The following ZNF804A variants were observed in gnomAD, a reference collection of about 807,000 sequenced individuals.
The protein encoded by ZNF804A is zinc finger protein 804A.
A neutral mutation model predicts 16.5 loss-of-function variants in ZNF804A; 2 were observed. The ratio of observed to expected loss-of-function variants is 0.12; its 90% CI spans 0.05 to 0.38. The LOEUF is 0.38. ZNF804A is among the 10% of genes least tolerant of loss of function. ZNF804A has a pLI of 0.99. For synonymous variants in ZNF804A, 534 were observed against 489.6 expected, an observed-to-expected ratio of 1.09 and a Z score of -1.20; for missense variants, 1,473 against 1,390.7, an observed-to-expected ratio of 1.06 and a Z score of -0.94.
chr2:184,846,489 A>G (rs1035203987), intron 1 of ZNF804A, among the ~76,000 whole-genome samples: 4 of 152,118 alleles, frequency 2.6e-5, no homozygotes, highest in Non-Finnish European at 5.9e-5. Context: ...AAATTTTCAT[A>G]TTAAAAAATT....
intron 1 of ZNF804A, among the ~76,000 whole-genome samples, chr2:184,749,747 T>C (rs925066680): frequency 6.6e-6 from 1 of 151,306 alleles, no homozygotes; most frequent in Non-Finnish European, 1.5e-5. Context: ...TATTACTTTA[T>C]GGCATTTCTT....
intron 1 of ZNF804A, among the ~76,000 whole-genome samples, chr2:184,784,707 C>T (rs1209236597): frequency 6.6e-6 from 1 of 151,946 alleles, no homozygotes; most frequent in African/African-American, 2.4e-5. Context: ...AAATTTTGTT[C>T]TCCTGAGGCA....
intron 1 of ZNF804A, among the ~76,000 whole-genome samples, chr2:184,690,802 T>C (rs2105725173): frequency 6.6e-6 from 1 of 152,142 alleles, no homozygotes; most frequent in African/African-American, 2.4e-5. Context: ...CTGTGGGTGG[T>C]TTAGAAAAAT....
At chr2:184,615,100 A>C (rs1275934574) in intron 1 of ZNF804A, among the ~76,000 whole-genome samples, 1 of 152,244 alleles carries the variant, frequency 6.6e-6, no homozygotes, top group Non-Finnish European at 1.5e-5. Context: ...TGTTTATTGC[A>C]GCACTATTCA....
At chr2:184,887,007 T>C (rs1684902039) in intron 2 of ZNF804A, among the ~76,000 whole-genome samples, 1 of 152,216 alleles carries the variant, frequency 6.6e-6, no homozygotes, top group African/African-American at 2.4e-5. Context: ...AGATTTTCCT[T>C]CCTATCATAT....
At chr2:184,608,555 ATTG>A (rs1428442780) in intron 1 of ZNF804A, among the ~76,000 whole-genome samples, 3 of 152,152 alleles carry the variant, frequency 2.0e-5, no homozygotes. Flanking sequence ...TGGACTTGTT[ATTG>A]TTAAGCTCCA....
rs1259069012 is a variant in ZNF804A, at chr2:184,936,909, A to G, written c.1513A>G (p.Thr505Ala). 2 of 1,613,940 alleles carry G rather than the reference A, an allele frequency of 1.2e-6. No homozygotes were observed. Among genetic ancestry groups the G allele is most frequent in the Middle Eastern group, 1.7e-4 (1 of 6,058 alleles). Residue 505 changes from threonine to alanine, a missense_variant, in exon 4 of 4, where the codon ACA (threonine) becomes GCA (alanine). Thr to Ala is a moderately conservative substitution (Grantham distance 58, BLOSUM62 0). Transcript: ENST00000302277. ...GPLSDYKDVS[T>A]EGLTDYEIGS... ...ACTTTCAGATTACAAGGATGTATCT[A>G]CAGAAGGACTCACTGATTATGAAAT...
chr2:184,746,410 A>G (rs1693790141), intron 1 of ZNF804A, among the ~76,000 whole-genome samples: 1 of 151,232 alleles, frequency 6.6e-6, no homozygotes, highest in Admixed American at 6.6e-5. Context: ...AAACAAAACA[A>G]AAAATTGTGG....
In ZNF804A at chr2:184,661,528, A is replaced by T. The variant is rs1275864564; in HGVS notation, c.111+62458A>T. Among the ~76,000 whole-genome samples, 6 of 152,342 alleles carry T rather than the reference A, an allele frequency of 3.9e-5. No homozygotes were observed. In the East Asian group the frequency reaches 1.2e-3, roughly 29 times the overall value. On this transcript the variant is annotated intron_variant, in intron 1 of 3. Transcript: ENST00000302277. Reference sequence around the variant, plus strand: ...GACCCTAAAAGTGGGGTAGCCATCCACGAAGCTGAGTCCAGAGGTTTGTAT... The same window carrying T: ...GACCCTAAAAGTGGGGTAGCCATCCTCGAAGCTGAGTCCAGAGGTTTGTAT...
intron 2 of ZNF804A, among the ~76,000 whole-genome samples, chr2:184,886,311 G>A (rs998003286): frequency 1.3e-5 from 2 of 152,184 alleles, no homozygotes; most frequent in African/African-American, 4.8e-5. Context: ...GTCTTGCGCA[G>A]CTCGGCCCCT....
chr2:184,772,375 T>A (rs2105769281), intron 1 of ZNF804A, among the ~76,000 whole-genome samples: 1 of 152,088 alleles, frequency 6.6e-6, no homozygotes, highest in East Asian at 1.9e-4. Flanking sequence ...AATTTTCTTA[T>A]AAATAACATT....
chr2:184,811,515 T>C (rs1558968697), intron 1 of ZNF804A, among the ~76,000 whole-genome samples: 2 of 152,128 alleles, frequency 1.3e-5, no homozygotes, highest in Admixed American at 6.6e-5. Context: ...ATATAGAGCA[T>C]AAAAATACAC....
At chr2:184,688,715 A>G (rs966888805) in intron 1 of ZNF804A, among the ~76,000 whole-genome samples, 3 of 148,444 alleles carry the variant, frequency 2.0e-5, no homozygotes, top group Non-Finnish European at 2.9e-5. Context: ...ATTATGAACA[A>G]TTAAAGGAAA....
Position 184,937,351 on chromosome 2 carries a change from C to T in ZNF804A, c.1955C>T (p.Ser652Leu). ...TTAGCTGCAGAGCAATTATTAGACTCACATCAGTTACTTGATAAAAGGCCC... is the reference window on the plus strand; with the variant it reads ...TTAGCTGCAGAGCAATTATTAGACTTACATCAGTTACTTGATAAAAGGCCC... ...QYLAAEQLLD[S>L]HQLLDKRPKS... Residue 652 changes from serine (S) to leucine (L), a missense_variant, in exon 4 of 4, where the codon TCA becomes TTA. Coordinates refer to ENST00000302277, the MANE Select transcript of ZNF804A (RefSeq NM_194250.2). 1.2e-6 allele frequency: 2 copies of T among 1,613,738 alleles called. No individual in the cohort carries two copies. Among genetic ancestry groups the T allele is most frequent in the Non-Finnish European group, 8.5e-7 (1 of 1,179,856 alleles).
intron 1 of ZNF804A, among the ~76,000 whole-genome samples, chr2:184,697,033 A>G (rs1692843575): frequency 6.6e-6 from 1 of 152,046 alleles, no homozygotes; most frequent in Non-Finnish European, 1.5e-5. Context: ...AATTTAGTAT[A>G]AATGACATTG....
chr2:184,616,272 CAGTT>C (rs1345151311), intron 1 of ZNF804A, among the ~76,000 whole-genome samples: 2 of 152,086 alleles, frequency 1.3e-5, no homozygotes, highest in East Asian at 3.9e-4. Flanking sequence ...TAACCTGAGT[CAGTT>C]ATTTAACCTC....
chr2:184,931,205 T>A (rs147314746), intron 2 of ZNF804A, among the ~76,000 whole-genome samples: 2 of 152,356 alleles, frequency 1.3e-5, no homozygotes, highest in East Asian at 3.9e-4. Flanking sequence ...CATTCTGCTG[T>A]CTGGAGGACA....
At position 184,732,347 on chromosome 2, in the gene ZNF804A, A is replaced by G. The variant is rs376299279; in HGVS notation, c.111+133277A>G. On this transcript the variant is annotated intron_variant, in intron 1 of 3. Transcript: ENST00000302277. The stretch of plus-strand genomic sequence containing the variant: ...TATTGTCTTTTCTCTTTTGCTAAAA[A>G]TTTGTGTGGGTTTACTTCTGGACCT... Among the ~76,000 whole-genome samples the G allele has an allele frequency of 2.6e-5, 4 of 152,064 alleles. No homozygotes were observed. In the East Asian group the frequency reaches 7.7e-4, roughly 29 times the overall value.
chr2:184,831,004 C>A (rs868463306), intron 1 of ZNF804A, among the ~76,000 whole-genome samples: 13 of 152,034 alleles, frequency 8.6e-5, no homozygotes, highest in Admixed American at 3.9e-4. Flanking sequence ...GAATAAAGCT[C>A]TGCAACAAAG....
Sources: allele counts gnomAD v4.1 joint callset (sites outside exome capture counted in the v4.1 genomes callset), GRCh38; gene constraint gnomAD v4.1.1; transcripts MANE v1.5; gene names NCBI Gene and HGNC (gene_info 2026-07-23, HGNC 2026-07-21).